DMD: variants seen among roughly 807,000 people sequenced by gnomAD.
DMD encodes the protein dystrophin.
A neutral mutation model predicts 330.1 loss-of-function variants in DMD; 63 were observed. The observed-to-expected ratio is 0.19, with a 90% CI of 0.16 to 0.24. The LOEUF (loss-of-function observed/expected upper bound fraction) is 0.24, where lower values mean the gene tolerates loss of function less well. Ranked by LOEUF, DMD falls within the 10% of genes least tolerant of loss-of-function variation. The pLI, the probability that DMD is intolerant of heterozygous loss-of-function variation, is 1.00. For synonymous variants in DMD, 1,223 were observed against 959.8 expected, an observed-to-expected ratio of 1.27 and a Z score of -5.07; for missense variants, 3,344 against 2,684.1, an observed-to-expected ratio of 1.25 and a Z score of -5.43.
intron 44 of DMD, among the ~76,000 whole-genome samples, chrX:32,054,837 G>A (rs995996148): frequency 2.3e-5 from 2 of 88,228 alleles, no homozygotes; most frequent in African/African-American, 8.2e-5. Flanking sequence ...GGGGAGGGAA[G>A]GGAAGGGAAG....
intron 59 of DMD, among the ~76,000 whole-genome samples, chrX:31,461,902 C>T (rs1476220364): frequency 1.8e-5 from 2 of 111,356 alleles, no homozygotes; most frequent in African/African-American, 3.3e-5. Context: ...GCCTTCTCCA[C>T]ATGTGACCTC....
At chrX:32,174,132 A>C (rs1414017823) in intron 44 of DMD, among the ~76,000 whole-genome samples, 1 of 112,079 alleles carries the variant, frequency 8.9e-6, no homozygotes, top group Non-Finnish European at 1.9e-5. Context: ...CCACATTATT[A>C]TAATTCCCCT....
At chrX:32,690,709 T>A (rs1424294683) in intron 9 of DMD, among the ~76,000 whole-genome samples, 1 of 111,526 alleles carries the variant, frequency 9.0e-6, no homozygotes, top group Non-Finnish European at 1.9e-5. Flanking sequence ...TTAACTGATG[T>A]TCCACGATAG....
intron 9 of DMD, among the ~76,000 whole-genome samples, chrX:32,681,010 A>C (rs1313441047): frequency 8.9e-6 from 1 of 112,090 alleles, no homozygotes; most frequent in Non-Finnish European, 1.9e-5. Context: ...TCTACCTTTG[A>C]CCAGTAAGTG....
intron 48 of DMD, among the ~76,000 whole-genome samples, chrX:31,862,525 A>G (rs1230665121): frequency 8.9e-6 from 1 of 112,213 alleles, no homozygotes; most frequent in East Asian, 2.8e-4. Context: ...TACAGTACTA[A>G]TTAACTCATT....
rs2082804029 is a variant in DMD at position 32,869,808 on chromosome X, A to G, written c.94-19988T>C. On this transcript the variant is annotated intron_variant, in intron 2 of 78. Transcript: ENST00000357033. ...AGGTATTGATGGAACATGTCTCTAA[A>G]TAAGAGCTATTTATGACAAACCTAC... Among the ~76,000 whole-genome samples the G allele has an allele frequency of 2.7e-5, 3 of 109,870 alleles. No individual in the cohort carries two copies. The South Asian group carries it at 1.2e-3, about 43-fold the overall frequency.
chrX:32,514,738 C>CA (rs1569565081), intron 18 of DMD, among the ~76,000 whole-genome samples: 1 of 112,035 alleles, frequency 8.9e-6, no homozygotes, highest in Non-Finnish European at 1.9e-5. Context: ...GACTCCGTCT[C>CA]AAAAAAATAA....
At chrX:32,564,246 T>C (rs765801936) in intron 16 of DMD, among the ~76,000 whole-genome samples, 265 of 112,093 alleles carry the variant, frequency 2.4e-3, no homozygotes, top group African/African-American at 8.3e-3. Context: ...GAAGATGACC[T>C]ACAGTTAACT....
At chrX:32,698,994 C>T in intron 8 of DMD, 118 bp downstream of exon 8, 1 of 641,727 alleles carries the variant, frequency 1.6e-6, no homozygotes, top group Non-Finnish European at 2.5e-6. Context: ...ATACATTAGG[C>T]TTTGTATATA....
intron 60 of DMD, among the ~76,000 whole-genome samples, chrX:31,365,150 T>A (rs1426593229): frequency 9.4e-6 from 1 of 105,963 alleles, no homozygotes; most frequent in Non-Finnish European, 1.9e-5. Context: ...GTTATCAATA[T>A]ACACTAGTTT....
chrX:32,647,680 G>A (rs771184498), intron 9 of DMD, among the ~76,000 whole-genome samples: 5 of 111,924 alleles, frequency 4.5e-5, no homozygotes, highest in Non-Finnish European at 9.4e-5. Context: ...TCCATAATAA[G>A]ATTGTGGTAA....
chrX:32,997,619 G>A (rs1490910175), intron 2 of DMD, among the ~76,000 whole-genome samples: 2 of 111,820 alleles, frequency 1.8e-5, no homozygotes, highest in Admixed American at 1.9e-4. Flanking sequence ...TTTGACACAG[G>A]ACTATTTTGA....
rs771345400 is a variant in DMD at position 31,784,545 on chromosome X, C to T, written c.7310-10353G>A. Among the ~76,000 whole-genome samples, 4 of 111,876 alleles carry T rather than the reference C, an allele frequency of 3.6e-5. No individual in the cohort carries two copies. The South Asian group carries it at 1.5e-3, about 42-fold the overall frequency. ...TCCCATTTCTGGGTGTACGGTTAGT[C>T]CCCAACTTACTAAGGTCTAACTTGT... On this transcript the variant is annotated intron_variant, in intron 50 of 78. Transcript: ENST00000357033.
chrX:31,979,271 G>C (rs931587855), intron 44 of DMD, among the ~76,000 whole-genome samples: 2 of 111,369 alleles, frequency 1.8e-5, no homozygotes, highest in Non-Finnish European at 3.8e-5. Flanking sequence ...GCTGAGGCTG[G>C]TCTTGAACTC....
At chrX:32,585,250 A>C (rs1449828544) in intron 13 of DMD, among the ~76,000 whole-genome samples, 1 of 111,810 alleles carries the variant, frequency 8.9e-6, no homozygotes, top group African/African-American at 3.2e-5. Context: ...AGAAGGAATA[A>C]GTTCTAATGT....
At chrX:31,368,378 G>A (rs1480102361) in intron 60 of DMD, among the ~76,000 whole-genome samples, 1 of 111,932 alleles carries the variant, frequency 8.9e-6, no homozygotes, top group Non-Finnish European at 1.9e-5. Flanking sequence ...AGCGGAAAAG[G>A]CAGGGGTGCA....
chrX:33,116,499 A>T (rs2095386450), intron 1 of DMD, among the ~76,000 whole-genome samples: 1 of 111,385 alleles, frequency 9.0e-6, no homozygotes, highest in Non-Finnish European at 1.9e-5. Context: ...CAGAGAAAAA[A>T]AATGCAGAGC....
chrX:33,309,852 T>A (rs1230664506), intron 1 of DMD, among the ~76,000 whole-genome samples: 1 of 111,044 alleles, frequency 9.0e-6, no homozygotes, highest in Non-Finnish European at 1.9e-5. Context: ...AAGTACTATA[T>A]ATAGGAGGCC....
intron 1 of DMD, among the ~76,000 whole-genome samples, chrX:33,119,351 T>C (rs1447255383): frequency 1.8e-5 from 2 of 112,715 alleles, no homozygotes; most frequent in African/African-American, 3.2e-5. Context: ...CATCAGATGA[T>C]GTTGTTTGTG....
Sources: gnomAD v4.1 joint callset for allele counts (sites outside exome capture counted in the v4.1 genomes callset) on GRCh38, gnomAD v4.1.1 for gene constraint, MANE v1.5 for transcripts, NCBI Gene and HGNC (gene_info 2026-07-23, HGNC 2026-07-21) for gene names.